Variants in AFDN observed in about 807,000 individuals in gnomAD.
The protein encoded by AFDN is afadin.
A neutral mutation model predicts 216.6 loss-of-function variants in AFDN; 68 were observed. That is an observed-to-expected ratio of 0.31 (90% CI 0.26 to 0.38). The LOEUF (loss-of-function observed/expected upper bound fraction) is 0.38. AFDN is among the 10% of genes least tolerant of loss of function. AFDN has a pLI of 1.00. For synonymous variants in AFDN, 868 were observed against 853.7 expected (o/e 1.02, Z -0.29); for missense variants, 2,136 against 2,342.0 (o/e 0.91, Z 1.82).
intron 10 of AFDN, 39 bp from the exon 11 acceptor site, chr6:167,898,166 T>G: frequency 6.2e-7 from 1 of 1,608,026 alleles, no homozygotes; most frequent in Non-Finnish European, 8.5e-7. Flanking sequence ...TGCTGTGAAC[T>G]TCATGATGGG....
At chr6:167,834,436 TTTGTTG>T (rs201723927) in intron 1 of AFDN, among the ~76,000 whole-genome samples, 12 of 151,194 alleles carry the variant, frequency 7.9e-5, no homozygotes, top group African/African-American at 2.4e-4. Context: ...TGGAATGATT[TTTGTTG>T]TTGTTGTTGT....
intron 32 of AFDN, among the ~76,000 whole-genome samples, chr6:167,967,768 G>A (rs763216303): frequency 6.6e-6 from 1 of 152,098 alleles, no homozygotes; most frequent in Admixed American, 6.5e-5. Context: ...GTACAGAGCC[G>A]TCTGCACCGT....
chr6:167,965,736 C>T, intron 31 of AFDN, 21 bp from the exon 32 acceptor site: 1 of 1,508,940 alleles, frequency 6.6e-7, no homozygotes, highest in Non-Finnish European at 8.9e-7. Flanking sequence ...CCTTTGCACT[C>T]TTGTCTATTC....
chr6:167,964,675 G>T, intron 31 of AFDN: 1 of 1,062,470 alleles, frequency 9.4e-7, no homozygotes, highest in Non-Finnish European at 1.1e-6. Context: ...TCTAGAGGGA[G>T]TAGGGAGAAA....
chr6:167,947,349 T>C (rs968991550), intron 27 of AFDN, among the ~76,000 whole-genome samples: 1 of 152,026 alleles, frequency 6.6e-6, no homozygotes, highest in Non-Finnish European at 1.5e-5. Flanking sequence ...CCGGCTAATT[T>C]TTTGTATTTT....
At chr6:167,895,199 G>A (rs1425138294) in intron 9 of AFDN, among the ~76,000 whole-genome samples, 2 of 151,974 alleles carry the variant, frequency 1.3e-5, no homozygotes, top group South Asian at 4.2e-4. Flanking sequence ...CATACGATAC[G>A]GTTAGTGGTA....
chr6:167,959,699 A>G (rs902923211), intron 30 of AFDN, among the ~76,000 whole-genome samples: 3 of 152,226 alleles, frequency 2.0e-5, no homozygotes, highest in Admixed American at 6.5e-5. Context: ...AGATCTCAAC[A>G]TATACACACA....
chr6:167,859,035 A>T (rs1463493563), intron 1 of AFDN, among the ~76,000 whole-genome samples: 1 of 149,826 alleles, frequency 6.7e-6, no homozygotes, highest in Non-Finnish European at 1.5e-5. Context: ...AGTGGAAAGA[A>T]TGTTAGCCTG....
In AFDN at chr6:167,962,581, A is replaced by C; in HGVS notation, c.4968+14A>C. 6.2e-7 allele frequency: 1 copy of C among 1,613,946 alleles called. No homozygotes were observed. Among genetic ancestry groups the C allele is most frequent in the Non-Finnish European group, 8.5e-7 (1 of 1,179,826 alleles). On this transcript the variant is annotated intron_variant, in intron 31 of 33. Coordinates refer to ENST00000683244, the MANE Select transcript of AFDN (RefSeq NM_001386888.1). This position sits in a 1 kb window ranked among gnomAD's most constrained non-coding sequence, Gnocchi z 5.2. ...GCTGAAGAAAAGGTTATGGTCCTTT[A>C]AGGGCAGCTAGAATTTTACCAAGTT... is the stretch of plus-strand genomic sequence containing the variant.
chr6:167,954,349 T>C, intron 30 of AFDN: 2 of 742,722 alleles, frequency 2.7e-6, no homozygotes, highest in Non-Finnish European at 4.1e-6. Flanking sequence ...GAAACACAGA[T>C]GACGCATGAT....
intron 7 of AFDN, 34 bp from the exon 8 acceptor site, chr6:167,890,828 G>A: frequency 6.2e-7 from 1 of 1,604,426 alleles, no homozygotes; most frequent in Non-Finnish European, 8.5e-7. Flanking sequence ...ACCAACCTGA[G>A]TCTGCCTGAT....
intron 1 of AFDN, among the ~76,000 whole-genome samples, chr6:167,828,445 G>A (rs1019473472): frequency 6.6e-6 from 1 of 152,170 alleles, no homozygotes; most frequent in Non-Finnish European, 1.5e-5. Context: ...TGGGTAGCTA[G>A]CCATTTGTCT....
chr6:167,860,159 C>CTTTTTT (rs370176215), intron 1 of AFDN, among the ~76,000 whole-genome samples: 37 of 79,396 alleles, frequency 4.7e-4, no homozygotes, highest in African/African-American at 1.6e-3. Flanking sequence ...TACAGCAATG[C>CTTTTTT]TTTTTTTTTT....
chr6:167,875,288 TAAG>T, intron 4 of AFDN, 44 bp from the exon 5 acceptor site: 1 of 1,570,258 alleles, frequency 6.4e-7, no homozygotes, highest in Non-Finnish European at 8.7e-7. Flanking sequence ...CTATTTCTAA[TAAG>T]AAAACAGTGT....
rs776613838 is a variant in AFDN at position 167,890,968 on chromosome 6, G to A, written c.1116G>A (p.Gly372=). ...KTPKGKERAD[G]SGYGSTLPPE... ...CCAAGGGAAAGGAGAGAGCTGACGGGTCTGGCTATGGCTCCACCCTTCCTC... is the reference window on the plus strand; with the variant it reads ...CCAAGGGAAAGGAGAGAGCTGACGGATCTGGCTATGGCTCCACCCTTCCTC... The change falls in exon 8 of 34, where the codon GGG becomes GGA. Residue 372 remains glycine (G), a synonymous_variant. Transcript: ENST00000683244. 2.5e-6 allele frequency: 4 copies of A among 1,614,082 alleles called. No homozygotes were observed. Among genetic ancestry groups the A allele is most frequent in the Non-Finnish European group, 3.4e-6 (4 of 1,179,974 alleles).
chr6:167,924,986 C>G lies in AFDN; in HGVS notation c.3013-19C>G, dbSNP rs1792322516. 1.3e-6 allele frequency: 2 copies of G among 1,576,458 alleles called. No homozygotes were observed. The highest frequency in any genetic ancestry group is 2.7e-5 in the African/African-American group (2 of 74,196). ...CTTCCATTTCAGTCATAAAATAAACCTTTGTTTTCATCCTTTAGGCTCAGC... is the reference window on the plus strand; with the variant it reads ...CTTCCATTTCAGTCATAAAATAAACGTTTGTTTTCATCCTTTAGGCTCAGC... On this transcript the variant is annotated intron_variant, in intron 22 of 33. Transcript: ENST00000683244.
rs2128792709 is a variant in AFDN at position 167,971,603 on chromosome 6, G to A, written c.*1668G>A. The A allele has an allele frequency of 5.2e-6, 1 of 193,316 alleles. No individual in the cohort carries two copies. The highest frequency in any genetic ancestry group is 8.3e-5 in the East Asian group (1 of 12,090). 12.0% of individuals were successfully genotyped at this position (193,316 alleles called of 1,614,324 possible). A position where few individuals can be genotyped will look rare whatever the true frequency, so the allele number is the denominator to read the frequency against. ...TCTTGAGGACACTGGCAGCCTTATG[G>A]TGACTAAATCCACACTTTCTTTAAA... On this transcript the variant is annotated 3_prime_UTR_variant, in exon 34 of 34. Transcript: ENST00000683244.
At chr6:167,875,298 G>C in intron 4 of AFDN, 37 bp from the exon 5 acceptor site, 1 of 1,583,014 alleles carries the variant, frequency 6.3e-7, no homozygotes, top group Non-Finnish European at 8.6e-7. Context: ...TAAGAAAACA[G>C]TGTTTAAAAT....
At chr6:167,840,372 C>A (rs146888934) in intron 1 of AFDN, among the ~76,000 whole-genome samples, 5 of 152,304 alleles carry the variant, frequency 3.3e-5, no homozygotes, top group African/African-American at 1.2e-4. Context: ...GCCCTTTTGA[C>A]ATCAAGTTTG....
Sources: allele counts gnomAD v4.1 joint callset (sites outside exome capture counted in the v4.1 genomes callset), GRCh38; gene constraint gnomAD v4.1.1; non-coding constraint Gnocchi (gnomAD v3.1); transcripts MANE v1.5; gene names NCBI Gene and HGNC (gene_info 2026-07-23, HGNC 2026-07-21).